The following ATXN2 variants were observed in gnomAD, a reference collection of about 807,000 sequenced individuals.
ATXN2 encodes the protein ataxin 2, also known as ataxin-2.
ATXN2 carries 37 observed loss-of-function variants against 138.6 expected under a neutral mutation model. The observed-to-expected ratio is 0.27, with a 90% CI of 0.21 to 0.35. The LOEUF is 0.35. Among genes scored for constraint, ATXN2 ranks in the 10% least tolerant of loss-of-function variants. The pLI, the probability that ATXN2 is intolerant of heterozygous loss-of-function variation, is 1.00. For synonymous variants in ATXN2, 549 were observed against 543.7 expected (o/e 1.01, Z -0.13); for missense variants, 1,216 against 1,480.3 (o/e 0.82, Z 2.93).
intron 1 of ATXN2, among the ~76,000 whole-genome samples, chr12:111,578,314 A>G (rs563873528): frequency 1.3e-5 from 2 of 152,258 alleles, no homozygotes; most frequent in Admixed American, 1.3e-4. Flanking sequence ...CTGATAAATG[A>G]CTCATCCCAA....
intron 18 of ATXN2, among the ~76,000 whole-genome samples, chr12:111,477,180 T>TAAAAAA (rs57940846): frequency 8.2e-6 from 1 of 121,660 alleles, no homozygotes. Context: ...CTGTCTCTAC[T>TAAAAAA]AAAAAAAAAA....
At chr12:111,463,879 C>A (rs1386989840) in intron 21 of ATXN2, among the ~76,000 whole-genome samples, 1 of 152,186 alleles carries the variant, frequency 6.6e-6, no homozygotes, top group Non-Finnish European at 1.5e-5. Flanking sequence ...CTCTGCCTCC[C>A]AAGTTCAAGC....
intron 1 of ATXN2, among the ~76,000 whole-genome samples, chr12:111,569,204 C>T (rs1883182677): frequency 6.6e-6 from 1 of 152,070 alleles, no homozygotes; most frequent in African/African-American, 2.4e-5. Flanking sequence ...TGGCCTTAAT[C>T]CTGTGACTTC....
intron 1 of ATXN2, among the ~76,000 whole-genome samples, chr12:111,591,871 C>G (rs1324610072): frequency 1.3e-5 from 2 of 151,902 alleles, no homozygotes; most frequent in African/African-American, 4.8e-5. Context: ...CGCTTAAGGT[C>G]AGGAGTTCGA....
chr12:111,466,455 C>T (rs1159873413), intron 20 of ATXN2, among the ~76,000 whole-genome samples: 1 of 152,106 alleles, frequency 6.6e-6, no homozygotes, highest in African/African-American at 2.4e-5. Context: ...GAGCTGAGAT[C>T]ACGCCACTGC....
intron 14 of ATXN2, among the ~76,000 whole-genome samples, chr12:111,505,892 T>C (rs1020891816): frequency 1.3e-5 from 2 of 152,210 alleles, no homozygotes; most frequent in Non-Finnish European, 2.9e-5. Flanking sequence ...TGCACACTCA[T>C]GTTTGTGGCA....
At chr12:111,554,958 C>G (rs556669556) in intron 2 of ATXN2, among the ~76,000 whole-genome samples, 1 of 152,270 alleles carries the variant, frequency 6.6e-6, no homozygotes, top group South Asian at 2.1e-4. Flanking sequence ...ATATTACTAC[C>G]ATATACGTGT....
chr12:111,513,165 T>G, intron 11 of ATXN2, 192 bp downstream of exon 11: 1 of 583,748 alleles, frequency 1.7e-6, no homozygotes, highest in Non-Finnish European at 2.8e-6. Context: ...AATGAGTGTC[T>G]GACTTGCTTT....
At chr12:111,556,790 G>A (rs180981834) in intron 1 of ATXN2, among the ~76,000 whole-genome samples, 35 of 150,784 alleles carry the variant, frequency 2.3e-4, no homozygotes, top group Admixed American at 9.9e-4. Flanking sequence ...TACTCCAGCC[G>A]GGGTGACAGA....
intron 18 of ATXN2, among the ~76,000 whole-genome samples, chr12:111,480,106 C>T (rs889753975): frequency 6.6e-6 from 1 of 150,910 alleles, no homozygotes; most frequent in African/African-American, 2.4e-5. Context: ...TTAACTGGAG[C>T]TAGTGGTAAT....
At chr12:111,564,622 C>A (rs542260282) in intron 1 of ATXN2, among the ~76,000 whole-genome samples, 2 of 150,144 alleles carry the variant, frequency 1.3e-5, no homozygotes, top group Non-Finnish European at 3.0e-5. Context: ...AACAGCAATA[C>A]AACAATTAAA....
At chr12:111,559,117 T>TA (rs1170016568) in intron 1 of ATXN2, among the ~76,000 whole-genome samples, 1 of 150,962 alleles carries the variant, frequency 6.6e-6, no homozygotes, top group Non-Finnish European at 1.5e-5. Context: ...AAATGCAACA[T>TA]AAAAAATGAC....
intron 18 of ATXN2, among the ~76,000 whole-genome samples, chr12:111,476,354 T>G (rs1252517403): frequency 1.3e-5 from 2 of 151,978 alleles, no homozygotes; most frequent in Non-Finnish European, 2.9e-5. Flanking sequence ...GGAACTGAAG[T>G]AACACCTAAC....
At chr12:111,538,608 C>T (rs1881326715) in intron 5 of ATXN2, among the ~76,000 whole-genome samples, 1 of 149,884 alleles carries the variant, frequency 6.7e-6, no homozygotes, top group South Asian at 2.1e-4. Context: ...CTGCCTTGGC[C>T]TCCCAAAGTG....
chr12:111,515,540 A>G (rs74783653), intron 10 of ATXN2, among the ~76,000 whole-genome samples: 1 of 152,186 alleles, frequency 6.6e-6, no homozygotes, highest in Non-Finnish European at 1.5e-5. Context: ...GTTTTTATCA[A>G]TTTTATCTCA....
intron 1 of ATXN2, among the ~76,000 whole-genome samples, chr12:111,591,487 T>C (rs7953810): frequency 0.61 from 92,205 of 151,678 alleles, 32,130 homozygotes; most frequent in Non-Finnish European, 0.78. Context: ...CTGGGCAACA[T>C]GGCAGGACCC....
In ATXN2 at chr12:111,572,683, TAA is replaced by T. The variant is rs139378800; in HGVS notation, c.252-16766_252-16765del. Among the ~76,000 whole-genome samples the T allele has an allele frequency of 5.3e-3, 814 of 152,330 alleles. 5 individuals are homozygous for T. Among genetic ancestry groups the T allele is most frequent in the Admixed American group, 0.01 (157 of 15,304 alleles). Reference sequence around the variant, plus strand: ...ATAACAGCATAGCCAAGAATTTGCCTAAAGTCACAGAGGAAAGGAATTATTCT... The same window carrying T: ...ATAACAGCATAGCCAAGAATTTGCCTAGTCACAGAGGAAAGGAATTATTCT... On this transcript the variant is annotated intron_variant, in intron 1 of 24. Coordinates refer to ENST00000673436, the MANE Select transcript of ATXN2 (RefSeq NM_001372574.1).
chr12:111,519,627 A>AT (rs1880047099), intron 8 of ATXN2, among the ~76,000 whole-genome samples: 1 of 152,142 alleles, frequency 6.6e-6, no homozygotes, highest in Non-Finnish European at 1.5e-5. Context: ...CCAGATAACT[A>AT]TTTTAACAAG....
chr12:111,514,511 C>T (rs1240290641), intron 10 of ATXN2, among the ~76,000 whole-genome samples: 1 of 152,108 alleles, frequency 6.6e-6, no homozygotes, highest in African/African-American at 2.4e-5. Flanking sequence ...TATATGTTGC[C>T]AATAGAATTA....
Sources: gnomAD v4.1 joint callset for allele counts (sites outside exome capture counted in the v4.1 genomes callset) on GRCh38, gnomAD v4.1.1 for gene constraint, MANE v1.5 for transcripts, NCBI Gene and HGNC (gene_info 2026-07-23, HGNC 2026-07-21) for gene names.